Variants in SCAP observed in about 807,000 individuals in gnomAD.
SCAP encodes the protein sterol regulatory element-binding protein cleavage-activating protein.
SCAP carries 65 observed loss-of-function variants against 123.6 expected under a neutral mutation model. The observed-to-expected ratio is 0.53, with a 90% CI of 0.43 to 0.65. SCAP has a LOEUF of 0.65. Among genes scored for constraint, SCAP ranks in the 30% least tolerant of loss-of-function variants. SCAP has a pLI of 0.00. For synonymous variants in SCAP, 740 were observed against 726.3 expected (o/e 1.02, Z -0.30); for missense variants, 1,398 against 1,712.5 (o/e 0.82, Z 3.24).
Position 47,419,294 on chromosome 3 carries a change from C to T in SCAP, c.1940+34G>A, listed in dbSNP as rs368534243. 4.4e-6 allele frequency: 7 copies of T among 1,577,576 alleles called. No homozygotes were observed. Among genetic ancestry groups the T allele is most frequent in the African/African-American group, 2.7e-5 (2 of 74,234 alleles). On this transcript the variant is annotated intron_variant, in intron 13 of 22. Coordinates refer to ENST00000265565, the MANE Select transcript of SCAP (RefSeq NM_012235.4). The surrounding 1 kb of genome is among the most constrained non-coding windows in gnomAD (Gnocchi z 5.0). ...AAAGGGGATGGTGAGTTGACACCAT[C>T]GAGTGAGGTGGCACCTGGCACGGCC...
At chr3:47,468,556 G>C (rs1034898661) in intron 1 of SCAP, among the ~76,000 whole-genome samples, 3 of 152,140 alleles carry the variant, frequency 2.0e-5, no homozygotes, top group African/African-American at 7.2e-5. Flanking sequence ...CCCACTTTTT[G>C]ATAGGGTTGT....
intron 1 of SCAP, among the ~76,000 whole-genome samples, chr3:47,466,852 G>C (rs1024234558): frequency 6.6e-6 from 1 of 152,152 alleles, no homozygotes; most frequent in Non-Finnish European, 1.5e-5. Context: ...GGGAAGCCAA[G>C]GCAAGCGGAC....
Position 47,419,479 on chromosome 3 carries a change from A to T in SCAP, c.1789T>A (p.Ser597Thr), listed in dbSNP as rs149876928. Residue 597 changes from serine (S) to threonine (T), a missense_variant, in exon 13 of 23, where the codon TCA (serine) becomes ACA (threonine). By Grantham distance (58) the Ser-to-Thr change is moderately conservative. Transcript: ENST00000265565. This position sits in a 1 kb window ranked among gnomAD's most constrained non-coding sequence, Gnocchi z 5.0. The stretch of plus-strand genomic sequence containing the variant: ...TCTGCTGGACCTCCACGCTCAGGTG[A>T]CTCGCCTGGCGACGTCTGGTTCTCA... ...LPENQTSPGE[S>T]PERGGPAEVV... 389 of 1,613,872 alleles carry T rather than the reference A, an allele frequency of 2.4e-4. 3 individuals are homozygous for T. In the Middle Eastern group the frequency reaches 8.1e-3, roughly 34 times the overall value.
Position 47,419,714 on chromosome 3 carries a change from G to A in SCAP, c.1564-10C>T. On this transcript the variant is annotated splice_polypyrimidine_tract_variant and intron_variant, in intron 12 of 22. Transcript: ENST00000265565. This position sits in a 1 kb window ranked among gnomAD's most constrained non-coding sequence, Gnocchi z 5.0. ...AGACAACGGTGCCAGCCTGCAGTGG[G>A]GCAGGGGGTACTCAGTGGGAGGAAT... is the stretch of plus-strand genomic sequence containing the variant. 6.6e-7 allele frequency: 1 copy of A among 1,516,502 alleles called. No individual in the cohort carries two copies. Among genetic ancestry groups the A allele is most frequent in the Non-Finnish European group, 8.8e-7 (1 of 1,132,838 alleles). 93.9% of individuals were successfully genotyped at this position (1,516,502 alleles called of 1,614,324 possible).
intron 8 of SCAP, among the ~76,000 whole-genome samples, chr3:47,424,660 A>C (rs1706044729): frequency 6.6e-6 from 1 of 152,168 alleles, no homozygotes; most frequent in Non-Finnish European, 1.5e-5. Context: ...GAAGGAAGGG[A>C]GGGCCCTGTG....
intron 2 of SCAP, among the ~76,000 whole-genome samples, chr3:47,438,437 G>C (rs902197726): frequency 1.6e-5 from 2 of 122,748 alleles, no homozygotes; most frequent in African/African-American, 5.9e-5. Flanking sequence ...CAAGTGATCA[G>C]AATTCATTTA....
chr3:47,431,575 GGGGTACTGGTCA>G (rs1262270207), intron 3 of SCAP, among the ~76,000 whole-genome samples: 3 of 152,146 alleles, frequency 2.0e-5, no homozygotes, highest in Non-Finnish European at 4.4e-5. Context: ...GCAGCTTCAA[GGGGTACTGGTCA>G]GGCATTTTGT....
intron 1 of SCAP, among the ~76,000 whole-genome samples, chr3:47,472,884 C>G (rs1157773927): frequency 2.0e-5 from 3 of 151,836 alleles, no homozygotes; most frequent in African/African-American, 7.3e-5. Flanking sequence ...AGTCTGAGAC[C>G]AGCCTGACCA....
At chr3:47,429,221 C>A (rs957876831) in intron 3 of SCAP, among the ~76,000 whole-genome samples, 1 of 152,224 alleles carries the variant, frequency 6.6e-6, no homozygotes, top group Non-Finnish European at 1.5e-5. Context: ...TTTCTTTTCC[C>A]CAAATCCTGG....
chr3:47,449,005 C>G (rs1707154478), intron 1 of SCAP, among the ~76,000 whole-genome samples: 1 of 152,206 alleles, frequency 6.6e-6, no homozygotes. Context: ...CTAATTAGGT[C>G]CAGTCCACAA....
chr3:47,455,594 CAAAAAAAAAA>C (rs544006040), intron 1 of SCAP, among the ~76,000 whole-genome samples: 5 of 42,432 alleles, frequency 1.2e-4, no homozygotes, highest in East Asian at 1.3e-3. Flanking sequence ...GACTCCACCT[CAAAAAAAAAA>C]AAAAAAAAAA....
At chr3:47,467,236 ACAACT>A (rs1410421184) in intron 1 of SCAP, among the ~76,000 whole-genome samples, 3 of 152,220 alleles carry the variant, frequency 2.0e-5, no homozygotes, top group African/African-American at 7.2e-5. Context: ...AAGAATTCCT[ACAACT>A]CAACAATAAC....
chr3:47,473,529 C>G (rs1708149833), intron 1 of SCAP, among the ~76,000 whole-genome samples: 1 of 152,156 alleles, frequency 6.6e-6, no homozygotes, highest in Non-Finnish European at 1.5e-5. Flanking sequence ...CCCAGCTTCT[C>G]TATGAGGAGT....
At chr3:47,423,247 C>T (rs1028067093) in intron 9 of SCAP, among the ~76,000 whole-genome samples, 1 of 152,220 alleles carries the variant, frequency 6.6e-6, no homozygotes, top group Non-Finnish European at 1.5e-5. Flanking sequence ...CTCATTTTCC[C>T]TAGAACCCCA....
chr3:47,413,843 A>T lies in SCAP; in HGVS notation c.*11T>A. 1 of 1,607,594 alleles carries T rather than the reference A, an allele frequency of 6.2e-7. No individual in the cohort carries two copies. Among genetic ancestry groups the T allele is most frequent in the Non-Finnish European group, 8.5e-7 (1 of 1,176,152 alleles). ...ACCCCAGCCTCCTGCCTGGGCAAGG[A>T]GGCCCTGCGCTCAGTCCAGCTTCTC... On this transcript the variant is annotated 3_prime_UTR_variant, in exon 23 of 23. Transcript: ENST00000265565.
At position 47,475,167 on chromosome 3, in the gene SCAP, C is replaced by G. The variant is rs543103159; in HGVS notation, c.-99+632G>C. 1.2e-4 allele frequency among the ~76,000 whole-genome samples: 18 copies of G among 152,190 alleles called. No individual in the cohort carries two copies. The East Asian group carries it at 1.5e-3, about 13-fold the overall frequency. ...GCCCCCACAGCGACTCACTGCCCCCCCCTCCGCATTCCCATCTGCACAACT... is the reference window on the plus strand; with the variant it reads ...GCCCCCACAGCGACTCACTGCCCCCGCCTCCGCATTCCCATCTGCACAACT... On this transcript the variant is annotated intron_variant, in intron 1 of 22. Coordinates refer to ENST00000265565, the MANE Select transcript of SCAP (RefSeq NM_012235.4).
At chr3:47,445,811 AT>A (rs1707015681) in intron 1 of SCAP, among the ~76,000 whole-genome samples, 1 of 148,804 alleles carries the variant, frequency 6.7e-6, no homozygotes, top group Non-Finnish European at 1.5e-5. Context: ...ACCTTAGATG[AT>A]TTGCCAGCCT....
rs753305426 is a variant in SCAP at position 47,420,532 on chromosome 3, G to C, written c.1563+22C>G. 1 of 1,570,214 alleles carries C rather than the reference G, an allele frequency of 6.4e-7. No homozygotes were observed. The stretch of plus-strand genomic sequence containing the variant: ...CACCGGCCCTCCAGAAGAGGGCAGG[G>C]CAGGGCAGGGGTGGCAGGTACCATG... On this transcript the variant is annotated intron_variant, in intron 12 of 22. Transcript: ENST00000265565. The surrounding 1 kb of genome is among the most constrained non-coding windows in gnomAD (Gnocchi z 5.0).
Position 47,418,538 on chromosome 3 carries a change from G to A in SCAP, c.2130-16C>T. ...CGCCGCCACCCTGCACGGGAGGGCG[G>A]ACTGCTGTGAGACACACCTCACAGC... On this transcript the variant is annotated splice_polypyrimidine_tract_variant and intron_variant, in intron 14 of 22. Coordinates refer to ENST00000265565, the MANE Select transcript of SCAP (RefSeq NM_012235.4). The A allele has an allele frequency of 1.9e-6, 3 of 1,576,220 alleles. No homozygotes were observed. Among genetic ancestry groups the A allele is most frequent in the Non-Finnish European group, 2.6e-6 (3 of 1,161,668 alleles).
Sources: gnomAD v4.1 joint callset for allele counts (sites outside exome capture counted in the v4.1 genomes callset) on GRCh38, gnomAD v4.1.1 for gene constraint, Gnocchi (gnomAD v3.1) non-coding constraint, MANE v1.5 for transcripts, NCBI Gene and HGNC (gene_info 2026-07-23, HGNC 2026-07-21) for gene names.